The following CYTH3 variants were observed in gnomAD, a reference collection of about 807,000 sequenced individuals.
The protein encoded by CYTH3 is cytohesin 3.
In CYTH3, 23 loss-of-function variants were observed where a neutral mutation model predicts 55.1. The observed-to-expected ratio is 0.42, with a 90% CI of 0.30 to 0.59. The LOEUF is 0.59. Among genes scored for constraint, CYTH3 ranks in the 20% least tolerant of loss-of-function variants. The pLI, the probability that CYTH3 is intolerant of heterozygous loss-of-function variation, is 0.20. For missense variants in CYTH3, 413 were observed against 524.8 expected, an observed-to-expected ratio of 0.79 and a Z score of 2.08; for synonymous variants, 249 against 194.9, an observed-to-expected ratio of 1.28 and a Z score of -2.31.
At chr7:6,226,363 C>T (rs888879863) in intron 1 of CYTH3, among the ~76,000 whole-genome samples, 1 of 152,188 alleles carries the variant, frequency 6.6e-6, no homozygotes, top group African/African-American at 2.4e-5. Flanking sequence ...TGTAGAACAT[C>T]TGGCATTCCA....
intron 1 of CYTH3, among the ~76,000 whole-genome samples, chr7:6,252,991 G>A (rs1052573533): frequency 5.3e-5 from 8 of 152,108 alleles, no homozygotes; most frequent in East Asian, 3.9e-4. Context: ...GAACCACTCC[G>A]TAACTCCTTC....
At chr7:6,188,780 T>G (rs1303818673) in intron 2 of CYTH3, 1 of 152,190 alleles carries the variant, frequency 6.6e-6, no homozygotes, top group African/African-American at 2.4e-5. Flanking sequence ...AGATTACGAT[T>G]CCACATTTAT....
intron 9 of CYTH3, among the ~76,000 whole-genome samples, chr7:6,166,186 G>A (rs1473741029): frequency 6.6e-6 from 1 of 152,176 alleles, no homozygotes; most frequent in Non-Finnish European, 1.5e-5. Context: ...CATTACAGAG[G>A]CCCTTGGGCA....
intron 1 of CYTH3, among the ~76,000 whole-genome samples, chr7:6,259,152 C>G (rs1308118217): frequency 6.6e-6 from 1 of 152,242 alleles, no homozygotes; most frequent in African/African-American, 2.4e-5. Context: ...TTGCAGTAAG[C>G]CTGTGTCTGC....
rs1419879356 is a variant in CYTH3, at chr7:6,170,508, C to T, written c.823+27G>A. The T allele has an allele frequency of 3.1e-6, 5 of 1,608,628 alleles. No individual in the cohort carries two copies. The South Asian group carries it at 5.5e-5, about 18-fold the overall frequency. Reference sequence around the variant, plus strand: ...GCTGCCATGGGCAGAGGGGTCACGCCCGGGTCCCGCTGGGCCGGCGGCTCA... The same window carrying T: ...GCTGCCATGGGCAGAGGGGTCACGCTCGGGTCCCGCTGGGCCGGCGGCTCA... On this transcript the variant is annotated intron_variant, in intron 9 of 12. Coordinates refer to ENST00000350796, the MANE Select transcript of CYTH3 (RefSeq NM_004227.4). The surrounding 1 kb of genome is among the most constrained non-coding windows in gnomAD (Gnocchi z 7.8).
chr7:6,196,448 CTTTTTTTCT>C (rs1470041796), intron 1 of CYTH3, among the ~76,000 whole-genome samples: 4 of 135,270 alleles, frequency 3.0e-5, no homozygotes, highest in East Asian at 4.9e-4. Context: ...CATCTTTTTT[CTTTTTTTCT>C]TTTTTTTTTT....
chr7:6,190,254 TC>T (rs1286899470), intron 2 of CYTH3, among the ~76,000 whole-genome samples, 194 bp downstream of exon 2: 1 of 151,948 alleles, frequency 6.6e-6, no homozygotes, highest in Non-Finnish European at 1.5e-5. Flanking sequence ...GTCTTTGCTT[TC>T]CCAACTTGAT....
At chr7:6,228,670 C>G (rs1779309770) in intron 1 of CYTH3, among the ~76,000 whole-genome samples, 1 of 152,234 alleles carries the variant, frequency 6.6e-6, no homozygotes, top group South Asian at 2.1e-4. Context: ...TCCGGGCTGC[C>G]TCCCGCTCTG....
At chr7:6,173,547 C>T (rs143484325) in intron 6 of CYTH3, 106 bp downstream of exon 6, 6 of 751,424 alleles carry the variant, frequency 8.0e-6, no homozygotes, top group Admixed American at 3.8e-5. Flanking sequence ...CTGTGAGACT[C>T]GTGTGGCACC....
chr7:6,248,493 G>A (rs1045276669), intron 1 of CYTH3, among the ~76,000 whole-genome samples: 2 of 152,164 alleles, frequency 1.3e-5, no homozygotes, highest in Non-Finnish European at 2.9e-5. Context: ...TCTAGACCTG[G>A]CTTCCACTCC....
intron 1 of CYTH3, among the ~76,000 whole-genome samples, chr7:6,206,935 A>G (rs899819256): frequency 3.3e-5 from 5 of 152,206 alleles, no homozygotes; most frequent in Admixed American, 6.5e-5. Context: ...TACTAACTAC[A>G]GAATAAATGC....
rs1283387985 is a variant in CYTH3, at chr7:6,187,131, T to C, written c.183-15A>G. 1.2e-6 allele frequency: 2 copies of C among 1,612,370 alleles called. No homozygotes were observed. Among genetic ancestry groups the C allele is most frequent in the Non-Finnish European group, 1.7e-6 (2 of 1,178,682 alleles). On this transcript the variant is annotated splice_polypyrimidine_tract_variant and intron_variant, in intron 3 of 12. Coordinates refer to ENST00000350796, the MANE Select transcript of CYTH3 (RefSeq NM_004227.4). ...GAGTCGTTTTGCTATTGGTGTGAAA[T>C]AATTTAAAAATCACTCATGCTGTTT...
Position 6,177,782 on chromosome 7 carries a change from G to C in CYTH3, c.368+41C>G, listed in dbSNP as rs762069174. 8.8e-6 allele frequency: 13 copies of C among 1,480,412 alleles called. No individual in the cohort carries two copies. The South Asian group carries it at 1.0e-4, about 12-fold the overall frequency. The allele number at this position is 1,480,412 out of a possible 1,614,324, so 91.7% of individuals were successfully genotyped here. A position where few individuals can be genotyped will look rare whatever the true frequency, so the allele number is the denominator to read the frequency against. ...TGAGCCTAGGTCAAGCTGCAGGGCTGAGTGGCCCCAGGTAGGGCTTTGCAT... is the reference window on the plus strand; with the variant it reads ...TGAGCCTAGGTCAAGCTGCAGGGCTCAGTGGCCCCAGGTAGGGCTTTGCAT... On this transcript the variant is annotated intron_variant, in intron 5 of 12. Coordinates refer to ENST00000350796, the MANE Select transcript of CYTH3 (RefSeq NM_004227.4).
At chr7:6,172,008 C>T (rs746260239) in intron 6 of CYTH3, 50 of 153,468 alleles carry the variant, frequency 3.3e-4, no homozygotes, top group Non-Finnish European at 6.8e-4. Flanking sequence ...ACCGTCTGCC[C>T]GCCCAGGAGT....
intron 4 of CYTH3, among the ~76,000 whole-genome samples, chr7:6,179,852 GAC>G (rs1271586704): frequency 2.2e-4 from 11 of 50,446 alleles, no homozygotes; most frequent in Non-Finnish European, 3.7e-4. Context: ...CCACACCACA[GAC>G]ACACCACACA....
intron 1 of CYTH3, among the ~76,000 whole-genome samples, chr7:6,263,200 T>C (rs1325240544): frequency 6.6e-6 from 1 of 152,172 alleles, no homozygotes; most frequent in Non-Finnish European, 1.5e-5. Flanking sequence ...TTAAAATATA[T>C]ATTTTGTCAC....
chr7:6,214,359 C>T (rs1346259558), intron 1 of CYTH3, among the ~76,000 whole-genome samples: 1 of 152,202 alleles, frequency 6.6e-6, no homozygotes, highest in Non-Finnish European at 1.5e-5. Flanking sequence ...AAAGCCTTGA[C>T]TATTAGAGAA....
At chr7:6,194,249 T>C (rs1410245121) in intron 1 of CYTH3, among the ~76,000 whole-genome samples, 3 of 152,172 alleles carry the variant, frequency 2.0e-5, no homozygotes, top group Non-Finnish European at 4.4e-5. Context: ...ATTACAAACA[T>C]TACAGTTGAC....
At chr7:6,172,728 C>CG in intron 6 of CYTH3, 1 of 1,185,888 alleles carries the variant, frequency 8.4e-7, no homozygotes, top group Admixed American at 3.0e-5. Context: ...CTCCCAGACT[C>CG]ACCAGGCCTG....
Sources: gnomAD v4.1 joint callset for allele counts (sites outside exome capture counted in the v4.1 genomes callset) on GRCh38, gnomAD v4.1.1 for gene constraint, Gnocchi (gnomAD v3.1) non-coding constraint, MANE v1.5 for transcripts, NCBI Gene and HGNC (gene_info 2026-07-23, HGNC 2026-07-21) for gene names.